TTC39C: variants seen among roughly 807,000 people sequenced by gnomAD.
The protein encoded by TTC39C is tetratricopeptide repeat domain 39C.
TTC39C carries 33 observed loss-of-function variants against 76.3 expected under a neutral mutation model. That is an observed-to-expected ratio of 0.43 (90% CI 0.33 to 0.58). The LOEUF (loss-of-function observed/expected upper bound fraction) is 0.58, where lower values mean the gene tolerates loss of function less well. Among genes scored for constraint, TTC39C ranks in the 20% least tolerant of loss-of-function variants. TTC39C has a pLI of 0.04. For missense variants in TTC39C, 595 were observed against 701.4 expected (o/e 0.85, Z 1.71); for synonymous variants, 254 against 260.6 (o/e 0.97, Z 0.24).
chr18:24,019,598 G>C (rs1426327836), intron 1 of TTC39C, among the ~76,000 whole-genome samples: 2 of 152,218 alleles, frequency 1.3e-5, no homozygotes, highest in Non-Finnish European at 2.9e-5. Flanking sequence ...AGGATCTGTG[G>C]CCTCATTTTG....
intron 11 of TTC39C, 42 bp downstream of exon 11, chr18:24,129,025 G>A (rs370348268): frequency 4.9e-5 from 73 of 1,490,104 alleles, no homozygotes; most frequent in Non-Finnish European, 6.4e-5. Context: ...AATAAGTCAC[G>A]AACACCTACG....
chr18:24,023,971 TATATATATAC>T (rs1568408895), intron 1 of TTC39C, among the ~76,000 whole-genome samples: 684 of 13,416 alleles, frequency 0.051, 115 homozygotes, highest in Non-Finnish European at 0.1. Context: ...TATATATATA[TATATATATAC>T]ATATATATAT....
At chr18:24,118,286 C>A in intron 8 of TTC39C, 54 bp downstream of exon 8, 1 of 1,413,220 alleles carries the variant, frequency 7.1e-7, no homozygotes, top group Non-Finnish European at 9.9e-7. Context: ...ATTAGCTCGC[C>A]TGACGTGGGC....
chr18:24,047,197 G>A lies in TTC39C; in HGVS notation c.168-16943G>A, dbSNP rs1022670896. On this transcript the variant is annotated intron_variant, in intron 1 of 13. Transcript: ENST00000317571. Reference sequence around the variant, plus strand: ...CAACCTCTGCCTCATGGGGTCAAGCGATTCTCCTGCCTCAGCCTCCCAAGT... The same window carrying A: ...CAACCTCTGCCTCATGGGGTCAAGCAATTCTCCTGCCTCAGCCTCCCAAGT... Among the ~76,000 whole-genome samples the A allele has an allele frequency of 3.3e-5, 5 of 151,578 alleles. No homozygotes were observed. The East Asian group carries it at 9.6e-4, about 29-fold the overall frequency.
chr18:23,996,356 AC>A (rs1298616892), intron 1 of TTC39C, among the ~76,000 whole-genome samples: 3 of 152,204 alleles, frequency 2.0e-5, no homozygotes, highest in African/African-American at 4.8e-5. Flanking sequence ...CGTCATTATA[AC>A]TTCTTTATAT....
At chr18:24,050,258 A>G (rs527910067) in intron 1 of TTC39C, among the ~76,000 whole-genome samples, 9 of 152,346 alleles carry the variant, frequency 5.9e-5, no homozygotes, top group African/African-American at 2.2e-4. Context: ...CCTTTGCTAG[A>G]CACCAGAGAG....
In TTC39C at chr18:24,104,960, A is replaced by G. The variant is rs149670100; in HGVS notation, c.985-9594A>G. 1.9e-4 allele frequency among the ~76,000 whole-genome samples: 29 copies of G among 152,258 alleles called. No homozygotes were observed. In the East Asian group the frequency reaches 5.0e-3, roughly 26 times the overall value. On this transcript the variant is annotated intron_variant, in intron 6 of 13. Coordinates refer to ENST00000317571, the MANE Select transcript of TTC39C (RefSeq NM_001135993.2). Reference sequence around the variant, plus strand: ...CTAAACGTAACTCTAAAACCAAAACATATTAAGAAAAAGATTGATAAAATT... The same window carrying G: ...CTAAACGTAACTCTAAAACCAAAACGTATTAAGAAAAAGATTGATAAAATT...
intron 1 of TTC39C, among the ~76,000 whole-genome samples, chr18:24,036,271 G>A (rs940150995): frequency 2.0e-5 from 3 of 152,112 alleles, no homozygotes; most frequent in African/African-American, 7.2e-5. Context: ...AGAAGACGTT[G>A]GTATTTTGAT....
intron 1 of TTC39C, among the ~76,000 whole-genome samples, chr18:24,007,635 C>T (rs2083364762): frequency 6.6e-6 from 1 of 152,188 alleles, no homozygotes. Flanking sequence ...CCACCCACCT[C>T]GGCCTCCCAA....
chr18:24,098,413 C>CCTCT (rs2084620236), intron 6 of TTC39C, among the ~76,000 whole-genome samples: 5 of 99,724 alleles, frequency 5.0e-5, no homozygotes, highest in African/African-American at 9.3e-5. Flanking sequence ...TCCCTCCCTC[C>CCTCT]CTCCTTCCTT....
chr18:24,020,392 G>A (rs2083504120), intron 1 of TTC39C: 17 of 791,102 alleles, frequency 2.1e-5, no homozygotes, highest in South Asian at 5.8e-5. Flanking sequence ...GTAAGTCTCT[G>A]TAAGTGTGTA....
chr18:24,055,965 T>A (rs755954181), intron 1 of TTC39C, among the ~76,000 whole-genome samples: 12 of 152,180 alleles, frequency 7.9e-5, no homozygotes, highest in Non-Finnish European at 1.5e-4. Flanking sequence ...ACCAAACCAG[T>A]TTGTCTCCTT....
intron 1 of TTC39C, chr18:24,022,918 G>A (rs756116210): frequency 7.2e-6 from 7 of 972,702 alleles, no homozygotes; most frequent in Non-Finnish European, 7.3e-6. Flanking sequence ...GCACTCCTGC[G>A]GCATCCCATC....
rs530752830 is a variant in TTC39C, at chr18:24,067,579, A to G, written c.345+1439A>G. Among the ~76,000 whole-genome samples, 25 of 152,268 alleles carry G rather than the reference A, an allele frequency of 1.6e-4. 1 individual carries two copies. The South Asian group carries it at 3.5e-3, about 21-fold the overall frequency. ...CATGAACTGTCTATGCAAGGGATCT[A>G]GGGTGCACCCTCCTTATGAGAATCT... On this transcript the variant is annotated intron_variant, in intron 3 of 13. Transcript: ENST00000317571.
chr18:24,111,922 TA>T (rs11349792), intron 6 of TTC39C, among the ~76,000 whole-genome samples: 877 of 61,528 alleles, frequency 0.014, 6 homozygotes, highest in African/African-American at 0.06. Flanking sequence ...TATATATATA[TA>T]TTTTTTTTGG....
In TTC39C at chr18:24,001,823, G is replaced by GTTTTTTTTT. The variant is rs750295981; in HGVS notation, c.-17+8797_-17+8805dup. ...GGAGGGTGAGGTGTACGGTAATTCT[G>GTTTTTTTTT]TTTTTTTTTTTTTTTTTTTTGAGAC... On this transcript the variant is annotated intron_variant, in intron 1 of 13. Transcript: ENST00000304621. 2.3e-4 allele frequency among the ~76,000 whole-genome samples: 13 copies of GTTTTTTTTT among 57,492 alleles called. 1 individual carries two copies. The highest frequency in any genetic ancestry group is 4.5e-4 in the South Asian group (1 of 2,230). 37.7% of individuals were successfully genotyped at this position (57,492 alleles called of 152,430 possible).
intron 1 of TTC39C, among the ~76,000 whole-genome samples, chr18:24,023,958 A>ATCTATATC (rs1568408764): frequency 2.7e-4 from 4 of 14,668 alleles, no homozygotes; most frequent in Middle Eastern, 0.042. Flanking sequence ...ATGTATATAT[A>ATCTATATC]TATATATATA....
chr18:24,082,066 G>A (rs2084383004), intron 5 of TTC39C, among the ~76,000 whole-genome samples: 1 of 145,646 alleles, frequency 6.9e-6, no homozygotes, highest in Non-Finnish European at 1.5e-5. Flanking sequence ...AGCCCAGGGT[G>A]GAGTGCAGTG....
intron 3 of TTC39C, 151 bp from the exon 4 acceptor site, chr18:24,069,006 C>A: frequency 1.7e-6 from 1 of 577,254 alleles, no homozygotes; most frequent in Non-Finnish European, 3.1e-6. Flanking sequence ...TTGGAGCTGC[C>A]AGGCTCATAG....
Sources: allele counts gnomAD v4.1 joint callset (sites outside exome capture counted in the v4.1 genomes callset), GRCh38; gene constraint gnomAD v4.1.1; transcripts MANE v1.5; gene names NCBI Gene and HGNC (gene_info 2026-07-23, HGNC 2026-07-21).